PALM2AKAP2: variants seen among roughly 807,000 people sequenced by gnomAD.
PALM2AKAP2 encodes PALM2 and AKAP2 fusion.
Under a neutral mutation model 71.5 loss-of-function variants are expected in PALM2AKAP2, and 37 were observed. The ratio of observed to expected loss-of-function variants is 0.52; its 90% confidence interval spans 0.40 to 0.68. The LOEUF (loss-of-function observed/expected upper bound fraction) is 0.68, where lower values mean the gene tolerates loss of function less well. PALM2AKAP2 is among the 30% of genes least tolerant of loss of function. PALM2AKAP2 has a pLI of 0.00. For missense variants in PALM2AKAP2, 1,224 were observed against 1,191.8 expected (o/e 1.03, Z -0.40); for synonymous variants, 468 against 478.8 (o/e 0.98, Z 0.29).
At chr9:109,672,911 T>A (rs1416336126) in intron 1 of PALM2AKAP2, among the ~76,000 whole-genome samples, 1 of 152,120 alleles carries the variant, frequency 6.6e-6, no homozygotes, top group Admixed American at 6.6e-5. Flanking sequence ...CATAATATTC[T>A]CTTGGTGGTT....
At chr9:109,677,470 C>T (rs1286986408) in intron 1 of PALM2AKAP2, among the ~76,000 whole-genome samples, 2 of 152,056 alleles carry the variant, frequency 1.3e-5, no homozygotes, top group Non-Finnish European at 2.9e-5. Context: ...GAGTTGAAGA[C>T]CAGCCTGGCC....
intron 3 of PALM2AKAP2, among the ~76,000 whole-genome samples, chr9:109,890,398 G>A (rs1016349644): frequency 6.6e-6 from 1 of 152,168 alleles, no homozygotes; most frequent in Non-Finnish European, 1.5e-5. Flanking sequence ...TTTCCCTCAG[G>A]TCTAGGCGTG....
Position 109,688,276 on chromosome 9 carries a change from A to G in PALM2AKAP2, c.5+47410A>G, listed in dbSNP as rs148285144. Among the ~76,000 whole-genome samples, 179 of 152,370 alleles carry G rather than the reference A, an allele frequency of 1.2e-3. 1 individual carries two copies. The highest frequency in any genetic ancestry group is 4.0e-3 in the African/African-American group (168 of 41,592). The stretch of plus-strand genomic sequence containing the variant: ...AAAAATGTAATATTTGGGAAGCACA[A>G]TACAATAAGGTATGCCTGTGTTCTT... On this transcript the variant is annotated intron_variant, in intron 1 of 6. Transcript: ENST00000374531.
chr9:109,890,167 G>C (rs1158009638), intron 3 of PALM2AKAP2, among the ~76,000 whole-genome samples: 2 of 152,216 alleles, frequency 1.3e-5, no homozygotes, highest in Admixed American at 1.3e-4. Context: ...TTTGAAGGCA[G>C]CAGACAAGAT....
intron 1 of PALM2AKAP2, among the ~76,000 whole-genome samples, chr9:109,737,663 A>G (rs537516092): frequency 1.3e-5 from 2 of 152,354 alleles, no homozygotes; most frequent in South Asian, 4.1e-4. Flanking sequence ...TCATAGTAAC[A>G]GTAATTGACA....
At chr9:109,806,135 T>G (rs557160762) in intron 1 of PALM2AKAP2, among the ~76,000 whole-genome samples, 1 of 152,398 alleles carries the variant, frequency 6.6e-6, no homozygotes, top group Admixed American at 6.5e-5. Context: ...ATCAACAAAA[T>G]GTGCATGTTC....
intron 6 of PALM2AKAP2, chr9:109,945,425 C>A (rs1032231945): frequency 6.6e-6 from 1 of 152,096 alleles, no homozygotes; most frequent in African/African-American, 2.4e-5. Flanking sequence ...GCTATTTTAT[C>A]GAGAAACCTG....
intron 1 of PALM2AKAP2, among the ~76,000 whole-genome samples, chr9:109,742,784 T>G (rs962005355): frequency 6.6e-6 from 1 of 152,184 alleles, no homozygotes; most frequent in Non-Finnish European, 1.5e-5. Context: ...AAAAAGCATA[T>G]GTGGACAACA....
intron 2 of PALM2AKAP2, chr9:110,148,600 T>C (rs1386001735): frequency 2.6e-5 from 4 of 152,188 alleles, no homozygotes; most frequent in Non-Finnish European, 5.9e-5. Flanking sequence ...AGCTCATTTC[T>C]TTCTGGTGAC....
chr9:109,811,496 AT>A (rs754795630), intron 1 of PALM2AKAP2, among the ~76,000 whole-genome samples: 24 of 152,310 alleles, frequency 1.6e-4, no homozygotes, highest in South Asian at 6.2e-4. Context: ...GTTAAAAAAA[AT>A]AGTACATTTT....
chr9:109,799,365 G>A (rs1827354974), intron 1 of PALM2AKAP2, among the ~76,000 whole-genome samples: 1 of 152,232 alleles, frequency 6.6e-6, no homozygotes, highest in Non-Finnish European at 1.5e-5. Flanking sequence ...TGCTGTGGTG[G>A]CAGAGTGGAG....
At position 109,993,888 on chromosome 9, in the gene PALM2AKAP2, C is replaced by T. The variant is rs371194760; in HGVS notation, c.497-22066C>T. ...CACATCTCTCTTCATCTCTCCCTGT[C>T]TCTCACCCTCTTCCTCCTCTCCCTC... On this transcript the variant is annotated intron_variant, in intron 6 of 9. Transcript: ENST00000302798. 9.9e-5 allele frequency among the ~76,000 whole-genome samples: 15 copies of T among 152,086 alleles called. No homozygotes were observed. In the East Asian group the frequency reaches 2.5e-3, roughly 25 times the overall value.
chr9:109,876,636 C>T (rs1195118661), intron 2 of PALM2AKAP2, among the ~76,000 whole-genome samples: 1 of 152,250 alleles, frequency 6.6e-6, no homozygotes, highest in South Asian at 2.1e-4. Context: ...CTCGCCACCA[C>T]ACCCAGCTAA....
chr9:109,820,738 G>C (rs1217710093), intron 1 of PALM2AKAP2, among the ~76,000 whole-genome samples: 2 of 152,204 alleles, frequency 1.3e-5, no homozygotes, highest in Non-Finnish European at 2.9e-5. Flanking sequence ...GAATCCATGG[G>C]TTGACTGGAG....
chr9:109,967,682 T>C lies in PALM2AKAP2; in HGVS notation c.496+35654T>C, dbSNP rs569306826. Among the ~76,000 whole-genome samples, 3 of 152,264 alleles carry C rather than the reference T, an allele frequency of 2.0e-5. No individual in the cohort carries two copies. The South Asian group carries it at 6.2e-4, about 32-fold the overall frequency. Reference sequence around the variant, plus strand: ...GCCTTGGCCTCCCAAAGTGTTGGGGTTACAGGCGTGAGCCACCGCACTTGG... The same window carrying C: ...GCCTTGGCCTCCCAAAGTGTTGGGGCTACAGGCGTGAGCCACCGCACTTGG... On this transcript the variant is annotated intron_variant, in intron 6 of 9. Transcript: ENST00000302798.
chr9:109,775,995 C>G (rs1238594640), upstream of PALM2AKAP2, among the ~76,000 whole-genome samples: 2 of 152,184 alleles, frequency 1.3e-5, no homozygotes, highest in East Asian at 3.8e-4. Context: ...AATTTAATGT[C>G]CCAGCAAGAA....
intron 3 of PALM2AKAP2, among the ~76,000 whole-genome samples, chr9:110,165,184 C>T (rs1405689829): frequency 6.6e-6 from 1 of 152,054 alleles, no homozygotes; most frequent in Non-Finnish European, 1.5e-5. Context: ...GCCCCAGAGA[C>T]ATATGCCTTT....
chr9:110,136,488 T>C (rs1218225835), exon 2 of PALM2AKAP2: 1 of 1,614,156 alleles, frequency 6.2e-7, no homozygotes, highest in South Asian at 1.1e-5. Flanking sequence ...CCTGGTGCAG[T>C]GGTTCTGGTG....
chr9:109,985,725 C>G (rs1832364359), intron 6 of PALM2AKAP2, among the ~76,000 whole-genome samples: 1 of 150,568 alleles, frequency 6.6e-6, no homozygotes, highest in South Asian at 2.1e-4. Context: ...TCTCTGCTCA[C>G]TGCAACCTTC....
Sources: allele counts gnomAD v4.1 joint callset (sites outside exome capture counted in the v4.1 genomes callset), GRCh38; gene constraint gnomAD v4.1.1; transcripts MANE v1.5; gene names NCBI Gene and HGNC (gene_info 2026-07-23, HGNC 2026-07-21).